Variants in EIF2S2 observed in about 807,000 individuals in gnomAD.
EIF2S2 encodes eukaryotic translation initiation factor 2 subunit beta, also known as eukaryotic translation initiation factor 2 subunit 2.
EIF2S2 carries 4 observed loss-of-function variants against 44.0 expected under a neutral mutation model. That is an observed-to-expected ratio of 0.09 (90% CI 0.04 to 0.21). The LOEUF (loss-of-function observed/expected upper bound fraction) is 0.21. Ranked by LOEUF, EIF2S2 falls within the 10% of genes least tolerant of loss-of-function variation. EIF2S2 has a pLI of 1.00. For synonymous variants in EIF2S2, 108 were observed against 128.3 expected (o/e 0.84, Z 1.07); for missense variants, 154 against 392.0 (o/e 0.39, Z 5.13).
chr20:34,103,593 C>A, intron 2 of EIF2S2, 28 bp from the exon 3 acceptor site: 1 of 1,518,542 alleles, frequency 6.6e-7, no homozygotes, highest in Non-Finnish European at 8.8e-7. Context: ...TAATTATTAA[C>A]AACTAAAAGG....
chr20:34,107,536 A>G (rs1406721383), intron 1 of EIF2S2, among the ~76,000 whole-genome samples: 1 of 152,214 alleles, frequency 6.6e-6, no homozygotes, highest in African/African-American at 2.4e-5. Flanking sequence ...CCTGGTACGT[A>G]AGTACTCGAT....
intron 2 of EIF2S2, among the ~76,000 whole-genome samples, chr20:34,105,033 G>A (rs1336798688): frequency 6.6e-6 from 1 of 152,132 alleles, no homozygotes; most frequent in Non-Finnish European, 1.5e-5. Context: ...GACTTGCTAA[G>A]ACACAAAACT....
intron 6 of EIF2S2, among the ~76,000 whole-genome samples, chr20:34,094,179 G>C (rs1407792603): frequency 2.0e-5 from 3 of 152,168 alleles, no homozygotes; most frequent in East Asian, 3.8e-4. Context: ...GATGTGAACT[G>C]AGCCAGATAG....
chr20:34,100,334 C>T (rs1426546254), intron 3 of EIF2S2, among the ~76,000 whole-genome samples: 2 of 152,142 alleles, frequency 1.3e-5, no homozygotes, highest in Non-Finnish European at 2.9e-5. Context: ...CATTATTAAC[C>T]ACTGGTGACT....
At chr20:34,094,863 C>T (rs2034209000) in intron 6 of EIF2S2, among the ~76,000 whole-genome samples, 1 of 152,040 alleles carries the variant, frequency 6.6e-6, no homozygotes, top group South Asian at 2.1e-4. Flanking sequence ...AGCTTTTTTC[C>T]CCAAAATGCA....
At chr20:34,092,566 G>T (rs1234278093) in intron 7 of EIF2S2, among the ~76,000 whole-genome samples, 3 of 152,186 alleles carry the variant, frequency 2.0e-5, no homozygotes, top group African/African-American at 7.2e-5. Flanking sequence ...TACTCAGGAG[G>T]CTGAGGCAGG....
chr20:34,096,826 T>G, intron 5 of EIF2S2, 21 bp from the exon 6 acceptor site: 1 of 1,598,730 alleles, frequency 6.3e-7, no homozygotes, highest in South Asian at 1.1e-5. Flanking sequence ...AAAGTGGTAT[T>G]CATGAATACG....
At chr20:34,106,711 T>G (rs891278137) in intron 1 of EIF2S2, among the ~76,000 whole-genome samples, 1 of 152,178 alleles carries the variant, frequency 6.6e-6, no homozygotes, top group Admixed American at 6.5e-5. Flanking sequence ...ATTACAGGTG[T>G]GAGGACCATG....
At chr20:34,103,356 TAACA>T (rs2034314554) in intron 3 of EIF2S2, 102 bp downstream of exon 3, 120 of 1,412,472 alleles carry the variant, frequency 8.5e-5, no homozygotes, top group Non-Finnish European at 1.1e-4. Context: ...TAAGTGCTAA[TAACA>T]AAAGCAAAGC....
At chr20:34,110,889 C>T (rs1007947263) in intron 1 of EIF2S2, among the ~76,000 whole-genome samples, 14 of 152,214 alleles carry the variant, frequency 9.2e-5, no homozygotes, top group Non-Finnish European at 1.9e-4. Context: ...CATATACAAA[C>T]TTTCAGTTTC....
chr20:34,096,566 TAATAAAGTCG>T, intron 6 of EIF2S2, 81 bp downstream of exon 6: 1 of 1,324,826 alleles, frequency 7.5e-7, no homozygotes, highest in Non-Finnish European at 1.0e-6. Flanking sequence ...TTTCCATCTA[TAATAAAGTCG>T]ACAATAAGGA....
intron 3 of EIF2S2, among the ~76,000 whole-genome samples, chr20:34,099,458 T>C (rs1345587170): frequency 1.3e-5 from 2 of 152,220 alleles, no homozygotes; most frequent in African/African-American, 4.8e-5. Flanking sequence ...TTAAAGAAGT[T>C]TCTAAGTGAT....
At chr20:34,099,937 C>T (rs1347467999) in intron 3 of EIF2S2, among the ~76,000 whole-genome samples, 1 of 152,198 alleles carries the variant, frequency 6.6e-6, no homozygotes, top group African/African-American at 2.4e-5. Flanking sequence ...TTGCTGTGCT[C>T]ACCAGCATGT....
chr20:34,091,218 C>A (rs2034158474), intron 7 of EIF2S2, among the ~76,000 whole-genome samples: 1 of 152,120 alleles, frequency 6.6e-6, no homozygotes, highest in African/African-American at 2.4e-5. Flanking sequence ...AGGAAAAAAT[C>A]TTTTACTGCA....
intron 7 of EIF2S2, among the ~76,000 whole-genome samples, chr20:34,093,399 C>CA (rs1159608349): frequency 2.6e-5 from 4 of 152,212 alleles, no homozygotes; most frequent in African/African-American, 9.7e-5. Flanking sequence ...TAAAAAGACT[C>CA]AAGAGTTTCA....
chr20:34,111,202 C>T (rs2034408005), intron 1 of EIF2S2, among the ~76,000 whole-genome samples: 1 of 152,234 alleles, frequency 6.6e-6, no homozygotes. Flanking sequence ...CCTGTGAGCA[C>T]ATTTACTGGC....
intron 3 of EIF2S2, among the ~76,000 whole-genome samples, chr20:34,099,357 CAAAG>C (rs2034269289): frequency 7.2e-6 from 1 of 139,806 alleles, no homozygotes; most frequent in East Asian, 2.0e-4. Context: ...AACTCTGTCT[CAAAG>C]AAAAAAAAAA....
At position 34,098,560 on chromosome 20, in the gene EIF2S2, T is replaced by A; in HGVS notation, c.371A>T (p.Lys124Ile). ...CTTAACATTCTTCTTTTTCTTCTTT[T>A]TATTGCCAAGCATAATGTCAAGGTC... ...EDDLDIMLGN[K>I]KKKKKNVKFP... The change falls in exon 4 of 9, where the codon AAA (lysine) becomes ATA (isoleucine). Residue 124 changes from lysine to isoleucine, a missense_variant. By Grantham distance (102) the Lys-to-Ile change is moderately radical. Around this residue, in one of 2 missense-constraint regions of EIF2S2, gnomAD observed 134 missense variants for 225.0 expected, o/e 0.60. Transcript: ENST00000374980. 1 of 1,614,066 alleles carries A rather than the reference T, an allele frequency of 6.2e-7. No individual in the cohort carries two copies. Among genetic ancestry groups the A allele is most frequent in the Non-Finnish European group, 8.5e-7 (1 of 1,180,018 alleles).
At chr20:34,092,147 A>G (rs931796766) in intron 7 of EIF2S2, among the ~76,000 whole-genome samples, 1 of 152,336 alleles carries the variant, frequency 6.6e-6, no homozygotes, top group African/African-American at 2.4e-5. Context: ...GGCTACAGTG[A>G]TTGCAATGCT....
Sources: allele counts gnomAD v4.1 joint callset (sites outside exome capture counted in the v4.1 genomes callset), GRCh38; gene constraint gnomAD v4.1.1; regional missense constraint gnomAD v4.1.1; transcripts MANE v1.5; gene names NCBI Gene and HGNC (gene_info 2026-07-23, HGNC 2026-07-21).